Variants in PEMT observed in about 807,000 individuals in gnomAD.
PEMT encodes phosphatidylethanolamine N-methyltransferase, also known as phospholipid methyltransferase.
A neutral mutation model predicts 27.4 loss-of-function variants in PEMT; 23 were observed. That is an observed-to-expected ratio of 0.84 (90% CI 0.60 to 1.19). The LOEUF is 1.19. Ranked by LOEUF, PEMT falls within the 50% of genes most tolerant of loss-of-function variation. The pLI is 0.00. For missense variants in PEMT, 307 were observed against 310.1 expected (o/e 0.99, Z 0.07); for synonymous variants, 137 against 139.1 (o/e 0.98, Z 0.11).
intron 2 of PEMT, among the ~76,000 whole-genome samples, chr17:17,543,005 C>T (rs1908995434): frequency 6.6e-6 from 1 of 152,248 alleles, no homozygotes; most frequent in South Asian, 2.1e-4. Flanking sequence ...GCATGGCCTC[C>T]TCGCATCAGT....
chr17:17,559,393 G>T (rs1042619257), intron 2 of PEMT, among the ~76,000 whole-genome samples: 2 of 152,358 alleles, frequency 1.3e-5, no homozygotes, highest in South Asian at 2.1e-4. Flanking sequence ...AGGCAGAACA[G>T]GACTGGAAGC....
intron 5 of PEMT, chr17:17,508,147 C>G (rs923851971): frequency 2.0e-5 from 3 of 152,300 alleles, no homozygotes; most frequent in Non-Finnish European, 4.4e-5. Flanking sequence ...TTTGTGCACA[C>G]AGAGGAGAGG....
At chr17:17,545,169 G>A (rs1909166793) in intron 2 of PEMT, among the ~76,000 whole-genome samples, 1 of 152,212 alleles carries the variant, frequency 6.6e-6, no homozygotes, top group Admixed American at 6.5e-5. Context: ...GTGTTGAGCG[G>A]GGCAGCCGGG....
chr17:17,574,526 G>A (rs577349736), intron 2 of PEMT, among the ~76,000 whole-genome samples: 7 of 152,080 alleles, frequency 4.6e-5, no homozygotes, highest in African/African-American at 1.7e-4. Flanking sequence ...TCACTATGTT[G>A]GCCAGGCTGG....
intron 5 of PEMT, chr17:17,507,711 C>T (rs1047501014): frequency 7.7e-5 from 10 of 129,828 alleles, no homozygotes; most frequent in Non-Finnish European, 1.6e-4. Flanking sequence ...TCCTACATGC[C>T]GGGGAGCTCA....
chr17:17,506,788 C>A (rs1905893241), intron 5 of PEMT, among the ~76,000 whole-genome samples: 1 of 152,248 alleles, frequency 6.6e-6, no homozygotes, highest in Non-Finnish European at 1.5e-5. Context: ...TCCCCAGCCC[C>A]TGGCCACAGG....
chr17:17,555,286 C>G (rs768131780), intron 2 of PEMT, among the ~76,000 whole-genome samples: 2 of 152,150 alleles, frequency 1.3e-5, no homozygotes, highest in Non-Finnish European at 2.9e-5. Flanking sequence ...AGAGCCAGAG[C>G]TGCCTGGAGA....
At chr17:17,567,873 G>A (rs758521583) in intron 2 of PEMT, among the ~76,000 whole-genome samples, 1 of 152,264 alleles carries the variant, frequency 6.6e-6, no homozygotes, top group Non-Finnish European at 1.5e-5. Context: ...AAGTGCAAGA[G>A]GCCCTGGCAG....
At chr17:17,591,473 C>G in intron 1 of PEMT, 58 bp downstream of exon 1, 1 of 1,405,106 alleles carries the variant, frequency 7.1e-7, no homozygotes, top group Non-Finnish European at 9.9e-7. Flanking sequence ...GCCTTCACGC[C>G]CCTCGGGCCT....
chr17:17,510,334 A>G (rs1436026340), intron 4 of PEMT, among the ~76,000 whole-genome samples: 1 of 152,190 alleles, frequency 6.6e-6, no homozygotes, highest in Non-Finnish European at 1.5e-5. Context: ...CACTGGACAC[A>G]GAGTAACCGC....
At chr17:17,584,223 G>A (rs1282927759) in intron 1 of PEMT, among the ~76,000 whole-genome samples, 4 of 152,054 alleles carry the variant, frequency 2.6e-5, no homozygotes, top group East Asian at 1.9e-4. Context: ...ACAGTGGCGC[G>A]ATCTCTGCTC....
chr17:17,543,894 C>T (rs1273753252), intron 2 of PEMT, among the ~76,000 whole-genome samples: 1 of 152,224 alleles, frequency 6.6e-6, no homozygotes, highest in South Asian at 2.1e-4. Context: ...AAAATAGAAC[C>T]TCTGAGCTTG....
chr17:17,548,158 C>G (rs905387766), intron 2 of PEMT, among the ~76,000 whole-genome samples: 1 of 152,224 alleles, frequency 6.6e-6, no homozygotes, highest in African/African-American at 2.4e-5. Context: ...TTTGAGGTAG[C>G]TATTGTCATG....
intron 2 of PEMT, chr17:17,570,635 G>A (rs1256381405): frequency 3.0e-6 from 3 of 985,300 alleles, no homozygotes; most frequent in Non-Finnish European, 3.6e-6. Context: ...ACCCAGAAAG[G>A]CCCAAGACCT....
At chr17:17,590,286 G>A (rs572807214) in intron 1 of PEMT, among the ~76,000 whole-genome samples, 1 of 152,174 alleles carries the variant, frequency 6.6e-6, no homozygotes. Flanking sequence ...TCTGGCCAAC[G>A]GTCCTGCGCT....
chr17:17,557,779 G>A (rs1489350325), intron 2 of PEMT, among the ~76,000 whole-genome samples: 6 of 152,216 alleles, frequency 3.9e-5, no homozygotes, highest in African/African-American at 9.7e-5. Flanking sequence ...AGAGCCAGGC[G>A]TCCGGGACTG....
intron 1 of PEMT, among the ~76,000 whole-genome samples, chr17:17,586,212 A>C (rs142128254): frequency 0.031 from 4,234 of 137,022 alleles, 185 homozygotes; most frequent in African/African-American, 0.099. Context: ...GAAAGAAAGA[A>C]AGAAAAAGAA....
At chr17:17,530,188 GT>G (rs1287979076) in intron 2 of PEMT, among the ~76,000 whole-genome samples, 2 of 152,340 alleles carry the variant, frequency 1.3e-5, no homozygotes, top group African/African-American at 4.8e-5. Flanking sequence ...CCATGTAAAT[GT>G]TTTGCATAAT....
At chr17:17,572,959 C>T (rs565660072) in intron 2 of PEMT, among the ~76,000 whole-genome samples, 4 of 151,896 alleles carry the variant, frequency 2.6e-5, no homozygotes, top group South Asian at 4.2e-4. Context: ...GAGGCCAACG[C>T]GGGCAGATCA....
Sources: gnomAD v4.1 joint callset for allele counts (sites outside exome capture counted in the v4.1 genomes callset) on GRCh38, gnomAD v4.1.1 for gene constraint, MANE v1.5 for transcripts, NCBI Gene and HGNC (gene_info 2026-07-23, HGNC 2026-07-21) for gene names.